The following BPIFB6 variants were observed in gnomAD, a reference collection of about 807,000 sequenced individuals.
BPIFB6 encodes BPI fold containing family B member 6, also known as BPI fold-containing family B member 6.
Under a neutral mutation model 54.7 loss-of-function variants are expected in BPIFB6, and 47 were observed. The ratio of observed to expected loss-of-function variants is 0.86; its 90% CI spans 0.68 to 1.10. The LOEUF (loss-of-function observed/expected upper bound fraction) is 1.10. BPIFB6 is among the 50% of genes least tolerant of loss of function. BPIFB6 has a pLI of 0.00. For missense variants in BPIFB6, 603 were observed against 564.1 expected, an observed-to-expected ratio of 1.07 and a Z score of -0.70; for synonymous variants, 255 against 225.9, an observed-to-expected ratio of 1.13 and a Z score of -1.16.
chr20:33,036,173 G>T (rs887335135), intron 6 of BPIFB6, among the ~76,000 whole-genome samples: 3 of 152,144 alleles, frequency 2.0e-5, no homozygotes, highest in Non-Finnish European at 4.4e-5. Context: ...AAATAGAGCT[G>T]ATAATCCTGA....
At chr20:33,033,713 A>G (rs1413860275) in intron 2 of BPIFB6, 1 of 448,594 alleles carries the variant, frequency 2.2e-6, no homozygotes, top group African/African-American at 2.0e-5. Flanking sequence ...GTCCAGGGAC[A>G]TTTTTCATTG....
At chr20:33,039,592 T>C in intron 10 of BPIFB6, 72 bp downstream of exon 10, 1 of 1,470,288 alleles carries the variant, frequency 6.8e-7, no homozygotes, top group Non-Finnish European at 9.2e-7. Context: ...ATGGGATTTT[T>C]AGTTGACAGC....
downstream of BPIFB6, chr20:33,044,061 C>T: frequency 6.2e-7 from 1 of 1,614,036 alleles, no homozygotes; most frequent in Non-Finnish European, 8.5e-7. Context: ...TGGCAGGACT[C>T]CCCTGCCAGC....
intron 5 of BPIFB6, among the ~76,000 whole-genome samples, chr20:33,035,360 C>T (rs1277208784): frequency 6.6e-6 from 1 of 152,174 alleles, no homozygotes; most frequent in Non-Finnish European, 1.5e-5. Flanking sequence ...GCATGCACAG[C>T]TTGCCAACCG....
In BPIFB6 at chr20:33,043,997, C is replaced by T. The variant is rs1018929404; in HGVS notation, c.1330-18C>T. 1 of 1,614,166 alleles carries T rather than the reference C, an allele frequency of 6.2e-7. No individual in the cohort carries two copies. Among genetic ancestry groups the T allele is most frequent in the Non-Finnish European group, 8.5e-7 (1 of 1,180,016 alleles). On this transcript the variant is annotated intron_variant, in intron 14 of 14. Transcript: ENST00000349552. ...TGGTCCCTGGTCATTGCTCTCCTACCCCTTTGCCTTTTGCCAGAATGCCCT... is the reference window on the plus strand; with the variant it reads ...TGGTCCCTGGTCATTGCTCTCCTACTCCTTTGCCTTTTGCCAGAATGCCCT...
At chr20:33,034,548 AT>A (rs1979246016) in intron 3 of BPIFB6, among the ~76,000 whole-genome samples, 1 of 152,192 alleles carries the variant, frequency 6.6e-6, no homozygotes, top group Non-Finnish European at 1.5e-5. Context: ...AGCAAAGCAG[AT>A]TTTAAAGGGT....
At chr20:33,040,766 C>T (rs1390055495) in intron 11 of BPIFB6, among the ~76,000 whole-genome samples, 1 of 152,206 alleles carries the variant, frequency 6.6e-6, no homozygotes, top group Non-Finnish European at 1.5e-5. Flanking sequence ...TTATATTCAT[C>T]ATCCTATTTC....
intron 3 of BPIFB6, among the ~76,000 whole-genome samples, chr20:33,034,525 G>A (rs1270064653): frequency 6.6e-6 from 1 of 152,210 alleles, no homozygotes; most frequent in African/African-American, 2.4e-5. Flanking sequence ...AAAGGTTATG[G>A]GGAGGCAATG....
At chr20:33,042,775 A>G (rs2146369480) in intron 12 of BPIFB6, 40 bp from the exon 13 acceptor site, 2 of 1,580,520 alleles carry the variant, frequency 1.3e-6, no homozygotes, top group East Asian at 4.5e-5. Context: ...ATGGTATTGG[A>G]CTGAATGGAA....
At chr20:33,042,071 C>T in intron 12 of BPIFB6, 56 bp downstream of exon 12, 1 of 1,556,002 alleles carries the variant, frequency 6.4e-7, no homozygotes, top group South Asian at 1.1e-5. Flanking sequence ...TGGGCCTATT[C>T]TCCCTCGGAA....
rs772474393 is a variant in BPIFB6 at position 33,039,502 on chromosome 20, C to T, written c.1056C>T (p.Ser352=). The change falls in exon 10 of 15, where the codon TCC becomes TCT. Residue 352 remains serine, a synonymous_variant. Transcript: ENST00000349552. ...AARWRSKAPM[S]LFLLEVHFNL... ...GGTGGCGGAGCAAGGCTCCAATGTC[C>T]CTCTTTCTCCTAGAAGTGGTGAGGG... The T allele has an allele frequency of 1.2e-6, 2 of 1,610,526 alleles. No individual in the cohort carries two copies. The highest frequency in any genetic ancestry group is 1.7e-6 in the Non-Finnish European group (2 of 1,178,896).
At chr20:33,032,221 G>A (rs2146362403) in intron 1 of BPIFB6, among the ~76,000 whole-genome samples, 1 of 152,310 alleles carries the variant, frequency 6.6e-6, no homozygotes, top group South Asian at 2.1e-4. Context: ...TTAGTAAAAT[G>A]TGTTTTCCAC....
Position 33,034,916 on chromosome 20 carries a change from A to G in BPIFB6, c.452+4A>G, listed in dbSNP as rs1429775836. Reference sequence around the variant, plus strand: ...TGAAGACTAACCTGCCTAGCAAGTGAGGGGCTCTGTGGCTGGGGAGGAAGG... The same window carrying G: ...TGAAGACTAACCTGCCTAGCAAGTGGGGGGCTCTGTGGCTGGGGAGGAAGG... On this transcript the variant is annotated splice_donor_region_variant and intron_variant, in intron 4 of 14. Coordinates refer to ENST00000349552, the MANE Select transcript of BPIFB6 (RefSeq NM_174897.2). 2 of 1,607,900 alleles carry G rather than the reference A, an allele frequency of 1.2e-6. No individual in the cohort carries two copies. Among genetic ancestry groups the G allele is most frequent in the Non-Finnish European group, 8.5e-7 (1 of 1,175,116 alleles).
chr20:33,033,081 C>A lies in BPIFB6; in HGVS notation c.195C>A (p.Thr65=). The change falls in exon 2 of 15, where the codon ACC becomes ACA. Residue 65 remains threonine (T), a splice_region_variant and synonymous_variant. Transcript: ENST00000349552. The part of the protein sequence containing the change: ...QPGMKPIKGI[T]NLKVKDVQLP... The stretch of plus-strand genomic sequence containing the variant: ...GGATGAAACCTATCAAGGGCATCAC[C>A]AAGTGAGTAGGGGAGGGGAGCTGGA... 1.2e-6 allele frequency: 2 copies of A among 1,611,928 alleles called. No individual in the cohort carries two copies. The highest frequency in any genetic ancestry group is 8.5e-7 in the Non-Finnish European group (1 of 1,178,056).
chr20:33,039,733 C>T (rs1600526525), intron 10 of BPIFB6, among the ~76,000 whole-genome samples: 1 of 152,248 alleles, frequency 6.6e-6, no homozygotes, highest in East Asian at 1.9e-4. Flanking sequence ...TCTCTTTCCT[C>T]CCTCCAACAT....
rs1183114134 is a variant in BPIFB6 at position 33,037,663 on chromosome 20, G to C, written c.771G>C (p.Leu257=). 1 of 1,614,166 alleles carries C rather than the reference G, an allele frequency of 6.2e-7. No homozygotes were observed. The highest frequency in any genetic ancestry group is 1.7e-5 in the Admixed American group (1 of 60,026). Residue 257 remains leucine, a synonymous_variant, in exon 8 of 15, where the codon CTG becomes CTC. Transcript: ENST00000349552. ...EGYAKGSSQL[L]LPATFLSAEL... is the part of the protein sequence containing the mutation. The stretch of plus-strand genomic sequence containing the variant: ...ATGCCAAAGGCTCGTCGCAGCTGCT[G>C]CTCCCAGCCACCTTCCTCTCTGCAG...
In BPIFB6 at chr20:33,042,805, T is replaced by G; in HGVS notation, c.1189-10T>G. On this transcript the variant is annotated splice_polypyrimidine_tract_variant and intron_variant, in intron 12 of 14. Coordinates refer to ENST00000349552, the MANE Select transcript of BPIFB6 (RefSeq NM_174897.2). ...ATGGAATGTGGATGCTTTCTCTTTC[T>G]TCTTTCCAGGAGAGGGAATTAACTG... 6.2e-7 allele frequency: 1 copy of G among 1,613,408 alleles called. No individual in the cohort carries two copies. Among genetic ancestry groups the G allele is most frequent in the African/African-American group, 1.3e-5 (1 of 75,056 alleles).
intron 13 of BPIFB6, 66 bp downstream of exon 13, chr20:33,042,944 C>T: frequency 6.7e-7 from 1 of 1,486,556 alleles, no homozygotes; most frequent in African/African-American, 1.4e-5. Context: ...GGGATGCCAC[C>T]TGGGTGGTCT....
intron 10 of BPIFB6, 55 bp from the exon 11 acceptor site, chr20:33,040,196 G>T: frequency 6.5e-7 from 1 of 1,536,342 alleles, no homozygotes; most frequent in Non-Finnish European, 9.0e-7. Flanking sequence ...GGCTTTGCCA[G>T]CCCTGATGGT....
Sources: allele counts gnomAD v4.1 joint callset (sites outside exome capture counted in the v4.1 genomes callset), GRCh38; gene constraint gnomAD v4.1.1; transcripts MANE v1.5; gene names NCBI Gene and HGNC (gene_info 2026-07-23, HGNC 2026-07-21).